The following SEC14L1 variants were observed in gnomAD, a reference collection of about 807,000 sequenced individuals.
SEC14L1 encodes SEC14 like lipid binding 1, also known as SEC14-like protein 1.
SEC14L1 carries 48 observed loss-of-function variants against 85.3 expected under a neutral mutation model. The observed-to-expected ratio is 0.56, with a 90% CI of 0.45 to 0.72. The LOEUF (loss-of-function observed/expected upper bound fraction) is 0.72, where lower values mean the gene tolerates loss of function less well. Ranked by LOEUF, SEC14L1 falls within the 30% of genes least tolerant of loss-of-function variation. The pLI is 0.00. For synonymous variants in SEC14L1, 391 were observed against 355.5 expected (o/e 1.10, Z -1.12); for missense variants, 682 against 921.4 (o/e 0.74, Z 3.36).
chr17:77,192,426 CCATAGTCT>C (rs1407634663), intron 5 of SEC14L1, among the ~76,000 whole-genome samples: 3 of 152,152 alleles, frequency 2.0e-5, no homozygotes, highest in Admixed American at 2.0e-4. Flanking sequence ...GAGGAAGAGC[CCATAGTCT>C]TTATGGTGAC....
intron 3 of SEC14L1, among the ~76,000 whole-genome samples, chr17:77,182,630 C>A (rs77653096): frequency 6.6e-6 from 1 of 152,160 alleles, no homozygotes; most frequent in South Asian, 2.1e-4. Context: ...GAGTTCATTT[C>A]GTCCAGCCTT....
intron 3 of SEC14L1, among the ~76,000 whole-genome samples, chr17:77,146,002 A>G (rs1443629554): frequency 6.6e-6 from 1 of 152,212 alleles, no homozygotes; most frequent in African/African-American, 2.4e-5. Flanking sequence ...TTCAGTTTCT[A>G]AGTGACCAAT....
chr17:77,104,566 T>C (rs1396825552), intron 3 of SEC14L1, among the ~76,000 whole-genome samples: 1 of 144,674 alleles, frequency 6.9e-6, no homozygotes, highest in Non-Finnish European at 1.5e-5. Context: ...CCGAGGAGGG[T>C]GGATCACGAG....
intron 3 of SEC14L1, chr17:77,128,004 GACA>G (rs1555616888): frequency 3.3e-5 from 5 of 152,192 alleles, no homozygotes; most frequent in Non-Finnish European, 7.3e-5. Context: ...CAGCTCTGCC[GACA>G]CTTTGATTTC....
intron 3 of SEC14L1, among the ~76,000 whole-genome samples, chr17:77,109,835 C>T (rs1012059234): frequency 9.2e-5 from 14 of 152,204 alleles, no homozygotes; most frequent in African/African-American, 4.8e-5. Flanking sequence ...CCAGCCTCAC[C>T]ACAGTTTAGC....
intron 3 of SEC14L1, among the ~76,000 whole-genome samples, chr17:77,122,335 C>T (rs1337583443): frequency 1.3e-5 from 2 of 150,856 alleles, no homozygotes; most frequent in Admixed American, 1.3e-4. Flanking sequence ...CAGCGTCTCA[C>T]TCTGTCACCC....
chr17:77,107,214 T>G (rs1282027611), intron 3 of SEC14L1, among the ~76,000 whole-genome samples: 2 of 152,100 alleles, frequency 1.3e-5, no homozygotes, highest in African/African-American at 4.8e-5. Context: ...TCAGGACCAC[T>G]TAGCCCACGC....
At chr17:77,164,105 C>T (rs1226803373) in intron 3 of SEC14L1, among the ~76,000 whole-genome samples, 2 of 152,220 alleles carry the variant, frequency 1.3e-5, no homozygotes, top group Non-Finnish European at 2.9e-5. Context: ...TCCCACTTTA[C>T]AACTGAGGAA....
At chr17:77,178,907 AAC>A (rs1974880142) in intron 3 of SEC14L1, among the ~76,000 whole-genome samples, 1 of 152,192 alleles carries the variant, frequency 6.6e-6, no homozygotes, top group Non-Finnish European at 1.5e-5. Context: ...TGGAGGGTGG[AAC>A]ACACAGATGG....
At chr17:77,197,022 G>A (rs1975847741) in intron 8 of SEC14L1, among the ~76,000 whole-genome samples, 1 of 152,222 alleles carries the variant, frequency 6.6e-6, no homozygotes, top group Non-Finnish European at 1.5e-5. Context: ...GAGGCACAGA[G>A]CAGTGAAGTA....
At chr17:77,104,790 CAAAAAAA>C (rs34654587) in intron 3 of SEC14L1, among the ~76,000 whole-genome samples, 11 of 115,826 alleles carry the variant, frequency 9.5e-5, no homozygotes, top group Non-Finnish European at 1.6e-4. Flanking sequence ...GACTCCATTT[CAAAAAAA>C]AAAAAAAAAA....
chr17:77,214,707 C>G lies in SEC14L1; in HGVS notation c.*684C>G. On this transcript the variant is annotated 3_prime_UTR_variant, in exon 17 of 17. Transcript: ENST00000436233. ...TGCTGCCATCGTTAAACATTACTTTCTCTTTCCTCCTTTTCAAATCTTTTT... is the reference window on the plus strand; with the variant it reads ...TGCTGCCATCGTTAAACATTACTTTGTCTTTCCTCCTTTTCAAATCTTTTT... 5.1e-6 allele frequency: 5 copies of G among 985,552 alleles called. No homozygotes were observed. The highest frequency in any genetic ancestry group is 6.0e-6 in the Non-Finnish European group (5 of 829,992). The allele number at this position is 985,552 out of a possible 1,614,324, so 61.1% of individuals were successfully genotyped here. A position where few individuals can be genotyped will look rare whatever the true frequency, so the allele number is the denominator to read the frequency against.
chr17:77,194,055 G>T (rs1975676828), intron 6 of SEC14L1, among the ~76,000 whole-genome samples: 1 of 152,150 alleles, frequency 6.6e-6, no homozygotes, highest in African/African-American at 2.4e-5. Context: ...GTGTTGGAAA[G>T]AATTGAAATT....
intron 13 of SEC14L1, among the ~76,000 whole-genome samples, 193 bp from the exon 14 acceptor site, chr17:77,209,147 AAC>A: frequency 6.6e-6 from 1 of 152,200 alleles, no homozygotes. Context: ...TGCAGAGTAA[AAC>A]ACATGTATTT....
intron 3 of SEC14L1, among the ~76,000 whole-genome samples, chr17:77,180,097 T>TGTTAC (rs1974960838): frequency 7.0e-6 from 1 of 142,796 alleles, no homozygotes; most frequent in Admixed American, 7.1e-5. Context: ...TGTTATGTTA[T>TGTTAC]GTTACTTTAT....
Position 77,200,575 on chromosome 17 carries a change from G to A in SEC14L1, c.911G>A (p.Trp304Ter). Residue 304 changes from tryptophan to a stop codon, truncating the protein, a stop_gained, in exon 9 of 17, where the codon TGG becomes TAG. Coordinates refer to ENST00000436233, the MANE Select transcript of SEC14L1 (RefSeq NM_001143998.2). LOFTEE classifies it high-confidence loss of function. ...AREIMCQSLTWRKQHQVDYIL... is the reference protein window; with the variant it reads ...AREIMCQSLT ...GAGATCATGTGTCAGTCTTTGACGT[G>A]GAGAAAGCAGCATCAGGTAGACTAC... 6.2e-7 allele frequency: 1 copy of A among 1,614,096 alleles called. No homozygotes were observed. Among genetic ancestry groups the A allele is most frequent in the Non-Finnish European group, 8.5e-7 (1 of 1,179,952 alleles).
rs1025559807 is a variant in SEC14L1, at chr17:77,163,292, G to A, written c.63+19633G>A. On this transcript the variant is annotated intron_variant, in intron 3 of 16. Coordinates refer to ENST00000436233, the MANE Select transcript of SEC14L1 (RefSeq NM_001143998.2). ...CTGGGACACAGAGCGTCTGCCCCGG[G>A]ATTATCTTGAAGGCCAGCTGCCAAA... Among the ~76,000 whole-genome samples the A allele has an allele frequency of 2.0e-5, 3 of 152,102 alleles. No homozygotes were observed. In the East Asian group the frequency reaches 5.8e-4, roughly 29 times the overall value.
At chr17:77,113,170 AAAAG>A (rs1972086330) in intron 3 of SEC14L1, among the ~76,000 whole-genome samples, 2 of 152,330 alleles carry the variant, frequency 1.3e-5, no homozygotes, top group Middle Eastern at 3.4e-3. Flanking sequence ...AAAAACAAAA[AAAAG>A]AAAGAAAAGA....
chr17:77,159,746 A>G (rs1973977781), intron 3 of SEC14L1, among the ~76,000 whole-genome samples: 1 of 152,144 alleles, frequency 6.6e-6, no homozygotes, highest in Non-Finnish European at 1.5e-5. Context: ...AACCACCACT[A>G]TTTTATTCCA....
Sources: gnomAD v4.1 joint callset for allele counts (sites outside exome capture counted in the v4.1 genomes callset) on GRCh38, gnomAD v4.1.1 for gene constraint, MANE v1.5 for transcripts, NCBI Gene and HGNC (gene_info 2026-07-23, HGNC 2026-07-21) for gene names.